Variants in DPP10 observed in about 807,000 individuals in gnomAD.
The protein encoded by DPP10 is inactive dipeptidyl peptidase 10.
Under a neutral mutation model 120.9 loss-of-function variants are expected in DPP10, and 33 were observed. That is an observed-to-expected ratio of 0.27 (90% CI 0.21 to 0.37). The LOEUF is 0.37. Among genes scored for constraint, DPP10 ranks in the 10% least tolerant of loss-of-function variants. The pLI is 1.00. For synonymous variants in DPP10, 337 were observed against 326.1 expected (o/e 1.03, Z -0.36); for missense variants, 816 against 942.8 (o/e 0.87, Z 1.76).
At chr2:115,730,765 A>G (rs1265616459) in intron 8 of DPP10, among the ~76,000 whole-genome samples, 1 of 152,198 alleles carries the variant, frequency 6.6e-6, no homozygotes, top group Admixed American at 6.5e-5. Context: ...CAAACGGGTA[A>G]TACAAACTTT....
chr2:115,744,638 C>A (rs1677716419), intron 9 of DPP10, among the ~76,000 whole-genome samples: 1 of 150,318 alleles, frequency 6.7e-6, no homozygotes, highest in Non-Finnish European at 1.5e-5. Context: ...AAACTTCTAA[C>A]CTGTGAATGA....
chr2:114,759,221 A>T (rs576281179), intron 1 of DPP10, among the ~76,000 whole-genome samples: 1 of 152,358 alleles, frequency 6.6e-6, no homozygotes, highest in South Asian at 2.1e-4. Context: ...TTTCCATATG[A>T]AGCACCAAAA....
chr2:115,587,136 C>T (rs1405189364), intron 5 of DPP10, among the ~76,000 whole-genome samples: 2 of 119,080 alleles, frequency 1.7e-5, no homozygotes, highest in Admixed American at 1.1e-4. Flanking sequence ...CTCACTAAGT[C>T]GCTCAGGCTG....
chr2:115,006,292 G>A (rs1307359787), intron 1 of DPP10, among the ~76,000 whole-genome samples: 1 of 151,556 alleles, frequency 6.6e-6, no homozygotes, highest in East Asian at 1.9e-4. Flanking sequence ...ATCGAGACTA[G>A]GAAGAAACTG....
chr2:115,766,820 C>G (rs982001242), intron 12 of DPP10, among the ~76,000 whole-genome samples: 2 of 152,102 alleles, frequency 1.3e-5, no homozygotes, highest in African/African-American at 4.8e-5. Flanking sequence ...GTGTTATACA[C>G]TTTTAAACAA....
intron 1 of DPP10, among the ~76,000 whole-genome samples, chr2:114,755,573 G>A (rs1406662341): frequency 1.3e-5 from 2 of 152,174 alleles, no homozygotes; most frequent in African/African-American, 2.4e-5. Flanking sequence ...GTGCAATGAA[G>A]AAAGCAAACA....
chr2:115,400,678 A>G lies in DPP10; in HGVS notation c.271+56766A>G, dbSNP rs982831065. Among the ~76,000 whole-genome samples, 3 of 151,892 alleles carry G rather than the reference A, an allele frequency of 2.0e-5. No individual in the cohort carries two copies. In the East Asian group the frequency reaches 5.8e-4, roughly 29 times the overall value. ...GGGACCATCTGTGTGATATTGGAAA[A>G]AAATAGAAACAACATTTCAAGGCAC... On this transcript the variant is annotated intron_variant, in intron 3 of 25. Transcript: ENST00000410059.
intron 1 of DPP10, among the ~76,000 whole-genome samples, chr2:114,687,067 A>G (rs1276446707): frequency 6.6e-6 from 1 of 152,020 alleles, no homozygotes; most frequent in African/African-American, 2.4e-5. Flanking sequence ...AAACAGCTAT[A>G]AAAATTCCCA....
intron 4 of DPP10, among the ~76,000 whole-genome samples, chr2:115,507,184 A>G (rs2076993854): frequency 6.6e-6 from 1 of 151,964 alleles, no homozygotes; most frequent in Non-Finnish European, 1.5e-5. Context: ...TGTCTTAAAA[A>G]CTTGTAGAGA....
chr2:115,194,374 G>A (rs887707867), intron 1 of DPP10, among the ~76,000 whole-genome samples: 5 of 152,198 alleles, frequency 3.3e-5, no homozygotes, highest in South Asian at 2.1e-4. Context: ...ACAGGCATGC[G>A]CCACCACGCC....
chr2:115,056,162 G>A (rs1573451425), intron 1 of DPP10, among the ~76,000 whole-genome samples: 1 of 152,036 alleles, frequency 6.6e-6, no homozygotes, highest in East Asian at 1.9e-4. Context: ...GCATACATAC[G>A]GATCCTTAAA....
chr2:114,750,359 A>T (rs1375121591), intron 1 of DPP10, among the ~76,000 whole-genome samples: 1 of 150,360 alleles, frequency 6.7e-6, no homozygotes, highest in Non-Finnish European at 1.5e-5. Flanking sequence ...TTTGAGATGG[A>T]GTCTTGCTGT....
chr2:114,634,814 C>T (rs967927104), intron 1 of DPP10, among the ~76,000 whole-genome samples: 3 of 151,896 alleles, frequency 2.0e-5, no homozygotes, highest in African/African-American at 7.3e-5. Flanking sequence ...TACAGAAGAA[C>T]ACTAGAAACT....
Position 115,378,970 on chromosome 2 carries a change from A to T in DPP10, c.271+35058A>T, listed in dbSNP as rs559477442. Among the ~76,000 whole-genome samples the T allele has an allele frequency of 2.0e-5, 3 of 152,126 alleles. No homozygotes were observed. In the East Asian group the frequency reaches 5.8e-4, roughly 29 times the overall value. ...TTGGTTTGCCACTATTTTATTGAGG[A>T]TTTTTGCATCAATGTTCATCAAGGA... On this transcript the variant is annotated intron_variant, in intron 3 of 25. Transcript: ENST00000410059.
At chr2:114,723,231 T>G (rs1236300544) in intron 1 of DPP10, among the ~76,000 whole-genome samples, 2 of 152,226 alleles carry the variant, frequency 1.3e-5, no homozygotes, top group Non-Finnish European at 2.9e-5. Context: ...CCTTTGGATT[T>G]TAAGTGTTTT....
chr2:115,440,150 T>A (rs1349048457), intron 3 of DPP10, among the ~76,000 whole-genome samples: 1 of 152,028 alleles, frequency 6.6e-6, no homozygotes, highest in African/African-American at 2.4e-5. Flanking sequence ...ATAATATGTG[T>A]GTGTGCGTGT....
At chr2:115,106,375 C>T (rs2048944349) in intron 1 of DPP10, among the ~76,000 whole-genome samples, 2 of 152,182 alleles carry the variant, frequency 1.3e-5, no homozygotes, top group African/African-American at 4.8e-5. Context: ...AAACTTTATG[C>T]ACGAATTAGA....
chr2:114,457,783 A>G (rs1397505976), intron 1 of DPP10, among the ~76,000 whole-genome samples: 1 of 152,172 alleles, frequency 6.6e-6, no homozygotes, highest in East Asian at 1.9e-4. Flanking sequence ...GAGGCAAAGC[A>G]GGAAGGACGC....
intron 5 of DPP10, among the ~76,000 whole-genome samples, chr2:115,632,528 CA>C (rs2085961649): frequency 1.3e-5 from 2 of 152,140 alleles, no homozygotes; most frequent in Admixed American, 1.3e-4. Flanking sequence ...TCTTACAAGG[CA>C]GGCATGATGG....
Sources: gnomAD v4.1 joint callset for allele counts (sites outside exome capture counted in the v4.1 genomes callset) on GRCh38, gnomAD v4.1.1 for gene constraint, MANE v1.5 for transcripts, NCBI Gene and HGNC (gene_info 2026-07-23, HGNC 2026-07-21) for gene names.